Variants in ZNF626 observed in about 807,000 individuals in gnomAD.
The protein encoded by ZNF626 is CTC-513N18.7.
In ZNF626, 4 loss-of-function variants were observed where a neutral mutation model predicts 11.7. That is an observed-to-expected ratio of 0.34 (90% CI 0.17 to 0.78). The LOEUF is 0.78. ZNF626 is among the 30% of genes least tolerant of loss of function. ZNF626 has a pLI of 0.57. For synonymous variants in ZNF626, 179 were observed against 198.6 expected, an observed-to-expected ratio of 0.90 and a Z score of 0.83; for missense variants, 588 against 587.1, an observed-to-expected ratio of 1.00 and a Z score of -0.01.
At position 20,621,277 on chromosome 19, in the gene ZNF626, C is replaced by G. The variant is rs1555768688; in HGVS notation, c.*3013G>C. On this transcript the variant is annotated 3_prime_UTR_variant, in exon 4 of 4. Transcript: ENST00000601440. ...CCGAGTAGCTAGGAATACGGGTGCA[C>G]CACCATGCCCAACTAATTTTTGTTG... The G allele has an allele frequency of 6.6e-6, 1 of 152,106 alleles. No homozygotes were observed. The highest frequency in any genetic ancestry group is 1.5e-5 in the Non-Finnish European group (1 of 68,032). The allele number at this position is 152,106 out of a possible 1,614,324, so 9.4% of individuals were successfully genotyped here.
chr19:20,641,556 A>G (rs1055133527), intron 3 of ZNF626, among the ~76,000 whole-genome samples: 2 of 152,168 alleles, frequency 1.3e-5, no homozygotes. Flanking sequence ...AGTCTTTTGC[A>G]TAACAATGTG....
At chr19:20,627,222 G>A (rs762952836) in intron 3 of ZNF626, among the ~76,000 whole-genome samples, 10 of 151,896 alleles carry the variant, frequency 6.6e-5, no homozygotes, top group South Asian at 2.1e-4. Flanking sequence ...AACAAACTAG[G>A]ATACACACAA....
intron 1 of ZNF626, among the ~76,000 whole-genome samples, chr19:20,660,533 T>G (rs112620010): frequency 5.9e-5 from 9 of 152,132 alleles, no homozygotes; most frequent in Non-Finnish European, 1.0e-4. Flanking sequence ...TTCAAGCAAT[T>G]CTCGTGCCTC....
At position 20,624,998 on chromosome 19, in the gene ZNF626, G is replaced by A; in HGVS notation, c.879C>T (p.Ala293=). 1 of 1,613,186 alleles carries A rather than the reference G, an allele frequency of 6.2e-7. No individual in the cohort carries two copies. The highest frequency in any genetic ancestry group is 1.1e-5 in the South Asian group (1 of 91,032). ...KPYKCEECGK[A]FNRSSTLTTH... is the part of the protein sequence containing the mutation. ...TAGTAAGGGTTGAGGACCGGTTGAA[G>A]GCTTTGCCACATTCTTCACATTTGT... Residue 293 remains alanine, a synonymous_variant, in exon 4 of 4, where the codon GCC becomes GCT. Coordinates refer to ENST00000601440, the MANE Select transcript of ZNF626 (RefSeq NM_001076675.3).
Position 20,624,261 on chromosome 19 carries a change from A to G in ZNF626, c.*29T>C, listed in dbSNP as rs1555769130. 1 of 1,613,354 alleles carries G rather than the reference A, an allele frequency of 6.2e-7. No homozygotes were observed. Among genetic ancestry groups the G allele is most frequent in the East Asian group, 2.2e-5 (1 of 44,874 alleles). On this transcript the variant is annotated 3_prime_UTR_variant, in exon 4 of 4. Coordinates refer to ENST00000601440, the MANE Select transcript of ZNF626 (RefSeq NM_001076675.3). ...GCTTAAAAGCTTTGTCACATTCTTCACATTTGTAGAATTTCTCTCCAGTAT... is the reference window on the plus strand; with the variant it reads ...GCTTAAAAGCTTTGTCACATTCTTCGCATTTGTAGAATTTCTCTCCAGTAT...
intron 3 of ZNF626, chr19:20,645,287 T>G (rs1204453180): frequency 6.6e-7 from 1 of 1,509,976 alleles, no homozygotes; most frequent in Non-Finnish European, 8.8e-7. Context: ...TCTCAGACAT[T>G]TCAGATCTGA....
intron 3 of ZNF626, among the ~76,000 whole-genome samples, chr19:20,640,304 A>G (rs1309016924): frequency 6.8e-6 from 1 of 148,012 alleles, no homozygotes; most frequent in Non-Finnish European, 1.5e-5. Flanking sequence ...ATAACTAACA[A>G]ATCTTTTAGG....
intron 1 of ZNF626, among the ~76,000 whole-genome samples, chr19:20,655,739 C>T (rs995913446): frequency 2.6e-5 from 4 of 151,724 alleles, no homozygotes; most frequent in South Asian, 2.1e-4. Context: ...TGGCAAACAT[C>T]GTGAAACCCC....
chr19:20,635,507 G>C (rs1192842273), intron 3 of ZNF626, among the ~76,000 whole-genome samples: 1 of 152,050 alleles, frequency 6.6e-6, no homozygotes, highest in Non-Finnish European at 1.5e-5. Flanking sequence ...TATTTTAGTA[G>C]AGACAGGGTT....
intron 1 of ZNF626, among the ~76,000 whole-genome samples, chr19:20,655,702 C>T (rs1455247435): frequency 6.6e-6 from 1 of 151,856 alleles, no homozygotes; most frequent in East Asian, 1.9e-4. Context: ...GCAGGTGGAT[C>T]ACAAGGTCAG....
At chr19:20,636,956 G>A (rs1431832734) in intron 3 of ZNF626, among the ~76,000 whole-genome samples, 2 of 137,656 alleles carry the variant, frequency 1.5e-5, no homozygotes, top group African/African-American at 5.5e-5. Context: ...AGGAGGTGGC[G>A]ACTGTAATGA....
At chr19:20,651,897 T>C (rs782207689) in intron 1 of ZNF626, among the ~76,000 whole-genome samples, 3 of 152,240 alleles carry the variant, frequency 2.0e-5, no homozygotes, top group Non-Finnish European at 4.4e-5. Flanking sequence ...CTGGATATTT[T>C]GTGGCCTTGT....
At chr19:20,659,928 G>C (rs1970245950) in intron 1 of ZNF626, among the ~76,000 whole-genome samples, 1 of 151,958 alleles carries the variant, frequency 6.6e-6, no homozygotes, top group Non-Finnish European at 1.5e-5. Flanking sequence ...GCAGTCTTGA[G>C]ATATCCGCAA....
intron 3 of ZNF626, among the ~76,000 whole-genome samples, chr19:20,627,970 C>T (rs1969859323): frequency 6.6e-6 from 1 of 152,154 alleles, no homozygotes; most frequent in African/African-American, 2.4e-5. Flanking sequence ...TGATGTTTCC[C>T]TTCCTGTGTC....
In ZNF626 at chr19:20,624,197, CAGTA is replaced by C. The variant is rs1568453096; in HGVS notation, c.*89_*92del. 6.3e-7 allele frequency: 1 copy of C among 1,598,726 alleles called. No homozygotes were observed. Among genetic ancestry groups the C allele is most frequent in the Non-Finnish European group, 8.6e-7 (1 of 1,167,770 alleles). Reference sequence around the variant, plus strand: ...TCTTCACATCTGTAGGGTTTTTTTCCAGTATGAATTTTCTTATGTGTAGTAAGGT... The same window carrying C: ...TCTTCACATCTGTAGGGTTTTTTTCCTGAATTTTCTTATGTGTAGTAAGGT... On this transcript the variant is annotated 3_prime_UTR_variant, in exon 4 of 4. Transcript: ENST00000601440.
chr19:20,632,422 C>T (rs1336238238), intron 3 of ZNF626, among the ~76,000 whole-genome samples: 2 of 152,180 alleles, frequency 1.3e-5, no homozygotes, highest in East Asian at 1.9e-4. Context: ...CTTTTAGATA[C>T]ACCAATCAGA....
In ZNF626 at chr19:20,661,506, C is replaced by G. The variant is rs1555773698; in HGVS notation, c.-60G>C. On this transcript the variant is annotated 5_prime_UTR_variant, in exon 1 of 4. Transcript: ENST00000601440. ...TGGATCTCCCAATACCTGCAGGACA[C>G]GGGGCCACACAGCCTGGGCCTTTAG... 6.3e-7 allele frequency: 1 copy of G among 1,598,266 alleles called. No individual in the cohort carries two copies. Among genetic ancestry groups the G allele is most frequent in the African/African-American group, 1.4e-5 (1 of 72,636 alleles).
chr19:20,653,407 C>T (rs782446062), intron 1 of ZNF626, among the ~76,000 whole-genome samples: 1 of 152,054 alleles, frequency 6.6e-6, no homozygotes, highest in Non-Finnish European at 1.5e-5. Context: ...GAAGAATTTC[C>T]AGCACCATGT....
Position 20,637,031 on chromosome 19 carries a change from A to AAAG in ZNF626, c.226+8652_226+8653insCTT, listed in dbSNP as rs1555770975. On this transcript the variant is annotated intron_variant, in intron 3 of 3. Transcript: ENST00000601440. ...AAGACTCCATCTCAAAAAAAAAAAA[A>AAAG]AAAAAAAGGCCCAGTGCAATGGTGC... Among the ~76,000 whole-genome samples, 2 of 151,394 alleles carry AAAG rather than the reference A, an allele frequency of 1.3e-5. 1 individual carries two copies.
Sources: gnomAD v4.1 joint callset for allele counts (sites outside exome capture counted in the v4.1 genomes callset) on GRCh38, gnomAD v4.1.1 for gene constraint, MANE v1.5 for transcripts, NCBI Gene and HGNC (gene_info 2026-07-23, HGNC 2026-07-21) for gene names.